Variants in CD200R1L observed in about 807,000 individuals in gnomAD.
CD200R1L encodes cell surface glycoprotein CD200 receptor 2.
A neutral mutation model predicts 24.8 loss-of-function variants in CD200R1L; 14 were observed. The ratio of observed to expected loss-of-function variants is 0.56; its 90% CI spans 0.37 to 0.88. The LOEUF (loss-of-function observed/expected upper bound fraction) is 0.88. Ranked by LOEUF, CD200R1L falls within the 40% of genes least tolerant of loss-of-function variation. The pLI is 0.00. For synonymous variants in CD200R1L, 111 were observed against 109.2 expected (o/e 1.02, Z -0.11); for missense variants, 299 against 297.8 (o/e 1.00, Z -0.03).
intron 2 of CD200R1L, among the ~76,000 whole-genome samples, chr3:112,840,058 A>G (rs890266896): frequency 1.3e-5 from 2 of 152,200 alleles, no homozygotes; most frequent in Non-Finnish European, 2.9e-5. Flanking sequence ...GACAATATGT[A>G]TAGGAATGAA....
chr3:112,831,092 A>G (rs1938787181), intron 3 of CD200R1L, among the ~76,000 whole-genome samples: 2 of 152,220 alleles, frequency 1.3e-5, no homozygotes, highest in African/African-American at 2.4e-5. Context: ...TTAGTTGCTT[A>G]TAAGTATAAT....
intron 3 of CD200R1L, among the ~76,000 whole-genome samples, chr3:112,831,604 C>T (rs755874194): frequency 6.6e-6 from 1 of 152,150 alleles, no homozygotes; most frequent in Non-Finnish European, 1.5e-5. Context: ...TAACGCAATA[C>T]AATTGGTGTT....
At chr3:112,818,424 A>G (rs9877418) in intron 7 of CD200R1L, among the ~76,000 whole-genome samples, 3,537 of 152,354 alleles carry the variant, frequency 0.023, 150 homozygotes, top group African/African-American at 0.08. Context: ...TCCTTAGTTG[A>G]GATCAACTTA....
At chr3:112,844,310 C>G (rs947177997) in intron 2 of CD200R1L, among the ~76,000 whole-genome samples, 9 of 152,078 alleles carry the variant, frequency 5.9e-5, no homozygotes, top group Admixed American at 3.3e-4. Flanking sequence ...AAACAAGTAT[C>G]AATAAATTAA....
chr3:112,829,345 T>TGTGTCATC lies in CD200R1L; in HGVS notation c.15_22dup (p.Gln8ArgfsTer2). 6.2e-7 allele frequency: 1 copy of TGTGTCATC among 1,614,164 alleles called. No individual in the cohort carries two copies. Among genetic ancestry groups the TGTGTCATC allele is most frequent in the Non-Finnish European group, 8.5e-7 (1 of 1,179,958 alleles). ...TTCTGCAAAAATTGTTGAATAGTTC[T>TGTGTCATC]GTGTCATCTGCTTTCCACCCATGCA... On this transcript the variant is annotated stop_gained and frameshift_variant, in exon 4 of 8. Transcript: ENST00000488794. LOFTEE classifies it high-confidence loss of function.
At position 112,827,336 on chromosome 3, in the gene CD200R1L, G is replaced by A. The variant is rs1281856700; in HGVS notation, c.367+31C>T. The A allele has an allele frequency of 3.1e-6, 5 of 1,597,296 alleles. No individual in the cohort carries two copies. The South Asian group carries it at 5.7e-5, about 18-fold the overall frequency. ...TTGTTTCAGTCACAAATCTGGTGATGTGAAATACCTCAGTATGTGATGCTC... is the reference window on the plus strand; with the variant it reads ...TTGTTTCAGTCACAAATCTGGTGATATGAAATACCTCAGTATGTGATGCTC... On this transcript the variant is annotated intron_variant, in intron 5 of 7. Coordinates refer to ENST00000488794, the MANE Select transcript of CD200R1L (RefSeq NM_001199215.3).
chr3:112,841,087 C>T lies in CD200R1L; in HGVS notation c.-86-3077G>A, dbSNP rs1939069188. Among the ~76,000 whole-genome samples the T allele has an allele frequency of 2.6e-5, 4 of 152,092 alleles. No homozygotes were observed. In the South Asian group the frequency reaches 8.3e-4, roughly 32 times the overall value. On this transcript the variant is annotated intron_variant, in intron 2 of 7. Coordinates refer to ENST00000488794, the MANE Select transcript of CD200R1L (RefSeq NM_001199215.3). ...GATGGTTTGATATGGTTTGGCTCCC[C>T]ACCCAATCTCATTGTAAATTGTGAT... is the stretch of plus-strand genomic sequence containing the variant.
At position 112,829,344 on chromosome 3, in the gene CD200R1L, C is replaced by T. The variant is rs749662247; in HGVS notation, c.24G>A (p.Gln8=). MGGKQMT[Q]NYSTIFAEGN... The stretch of plus-strand genomic sequence containing the variant: ...CTTCTGCAAAAATTGTTGAATAGTT[C>T]TGTGTCATCTGCTTTCCACCCATGC... Residue 8 remains glutamine, a synonymous_variant, in exon 4 of 8, where the codon CAG becomes CAA. Transcript: ENST00000488794. 3.5e-5 allele frequency: 57 copies of T among 1,613,960 alleles called. No individual in the cohort carries two copies. Among genetic ancestry groups the T allele is most frequent in the Admixed American group, 1.3e-4 (8 of 60,008 alleles).
chr3:112,841,828 G>A (rs1480971537), intron 2 of CD200R1L, among the ~76,000 whole-genome samples: 3 of 152,184 alleles, frequency 2.0e-5, no homozygotes, highest in Non-Finnish European at 2.9e-5. Flanking sequence ...CCATGCACTC[G>A]ATCCCAAAGT....
intron 6 of CD200R1L, among the ~76,000 whole-genome samples, chr3:112,824,782 A>G (rs922056568): frequency 6.6e-6 from 1 of 152,260 alleles, no homozygotes; most frequent in African/African-American, 2.4e-5. Context: ...TGCATGAAGC[A>G]TTCTGTGAGC....
intron 7 of CD200R1L, among the ~76,000 whole-genome samples, chr3:112,819,073 A>T (rs1938468084): frequency 6.6e-6 from 1 of 152,216 alleles, no homozygotes; most frequent in Admixed American, 6.5e-5. Flanking sequence ...AGCAGACTGG[A>T]GAGTGAGCAG....
intron 2 of CD200R1L, among the ~76,000 whole-genome samples, chr3:112,843,825 C>T (rs946074205): frequency 2.8e-5 from 4 of 145,314 alleles, no homozygotes; most frequent in East Asian, 1.9e-4. Context: ...GACCTAACAA[C>T]ACACACAGGC....
At position 112,819,840 on chromosome 3, in the gene CD200R1L, T is replaced by C. The variant is rs749507659; in HGVS notation, c.672A>G (p.Lys224=). The part of the protein sequence containing the change: ...ALSLLIILYV[K]LSLFVVILVT... ...CCAGAATGACCACAAAAAGAGAGAG[T>C]TTCACATAAAGAATGATCAGTAAGG... The change falls in exon 7 of 8, where the codon AAA becomes AAG. Residue 224 remains lysine, a synonymous_variant. Coordinates refer to ENST00000488794, the MANE Select transcript of CD200R1L (RefSeq NM_001199215.3). 1 of 1,609,402 alleles carries C rather than the reference T, an allele frequency of 6.2e-7. No homozygotes were observed. Among genetic ancestry groups the C allele is most frequent in the East Asian group, 2.3e-5 (1 of 44,430 alleles).
rs1288551460 is a variant in CD200R1L, at chr3:112,819,772, C to A, written c.740G>T (p.Arg247Ile). Residue 247 changes from arginine (R) to isoleucine (I), a missense_variant and splice_region_variant, in exon 7 of 8, where the codon AGA (arginine) becomes ATA (isoleucine). Transcript: ENST00000488794. ...ATGCTTTTCAGTCTTCAGTTCCTAC[C>A]TGACATGATTTATCCTCTGGAAGAA... ...FVFFQRINHVRKVL is the reference protein window; with the variant it reads ...FVFFQRINHVIKVL 6.3e-7 allele frequency: 1 copy of A among 1,596,622 alleles called. No homozygotes were observed.
chr3:112,828,664 A>G (rs986010723), intron 4 of CD200R1L, among the ~76,000 whole-genome samples: 8 of 152,196 alleles, frequency 5.3e-5, no homozygotes, highest in Admixed American at 5.2e-4. Context: ...GTGTAAATGT[A>G]GAAGTCGACT....
rs1938673370 is a variant in CD200R1L, at chr3:112,827,027, A to G, written c.582T>C (p.Thr194=). 6.2e-7 allele frequency: 1 copy of G among 1,611,990 alleles called. No individual in the cohort carries two copies. The highest frequency in any genetic ancestry group is 1.3e-5 in the African/African-American group (1 of 74,848). ...STVTCHVSHL[T]GNKSLSVKLN... ...ACTTTACGGACAGACTCTTGTTGCC[A>G]GTCAAATGGGAGACATGGCAGGTCA... is the stretch of plus-strand genomic sequence containing the variant. The change falls in exon 6 of 8, where the codon ACT becomes ACC. Residue 194 remains threonine (T), a synonymous_variant. Transcript: ENST00000488794.
intron 6 of CD200R1L, among the ~76,000 whole-genome samples, chr3:112,825,976 T>C (rs528969399): frequency 6.6e-6 from 1 of 152,230 alleles, no homozygotes; most frequent in South Asian, 2.1e-4. Flanking sequence ...ATGGTTTCCT[T>C]TTGGGGGTGA....
rs74732363 is a variant in CD200R1L at position 112,841,787 on chromosome 3, G to A, written c.-86-3777C>T. ...CAGTTTGGCCCCCCCGGAACACCTG[G>A]TGCTCAATCCTGAGGTGTCAGAGGA... On this transcript the variant is annotated intron_variant, in intron 2 of 7. Coordinates refer to ENST00000488794, the MANE Select transcript of CD200R1L (RefSeq NM_001199215.3). Among the ~76,000 whole-genome samples, 2,257 of 152,290 alleles carry A rather than the reference G, an allele frequency of 0.015. 111 individuals are homozygous for A. The East Asian group carries it at 0.18, about 12-fold the overall frequency.
At chr3:112,841,735 C>T (rs1022763274) in intron 2 of CD200R1L, among the ~76,000 whole-genome samples, 1 of 152,196 alleles carries the variant, frequency 6.6e-6, no homozygotes, top group African/African-American at 2.4e-5. Context: ...CATTTCTCCA[C>T]CTGGGTGTTT....
Sources: allele counts gnomAD v4.1 joint callset (sites outside exome capture counted in the v4.1 genomes callset), GRCh38; gene constraint gnomAD v4.1.1; transcripts MANE v1.5; gene names NCBI Gene and HGNC (gene_info 2026-07-23, HGNC 2026-07-21).